The following VPS13C variants were observed in gnomAD, a reference collection of about 807,000 sequenced individuals.
VPS13C encodes the protein vacuolar protein sorting 13 homolog C.
VPS13C carries 358 observed loss-of-function variants against 456.8 expected under a neutral mutation model. The ratio of observed to expected loss-of-function variants is 0.78; its 90% confidence interval spans 0.72 to 0.86. The LOEUF (loss-of-function observed/expected upper bound fraction) is 0.86. Ranked by LOEUF, VPS13C falls within the 40% of genes least tolerant of loss-of-function variation. VPS13C has a pLI of 0.00. For synonymous variants in VPS13C, 1,578 were observed against 1,486.7 expected, an observed-to-expected ratio of 1.06 and a Z score of -1.41; for missense variants, 4,818 against 4,385.4, an observed-to-expected ratio of 1.10 and a Z score of -2.79.
rs867949700 is a variant in VPS13C at position 61,962,804 on chromosome 15, G to A, written c.3380C>T (p.Ala1127Val). 2 of 1,606,606 alleles carry A rather than the reference G, an allele frequency of 1.2e-6. No homozygotes were observed. Among genetic ancestry groups the A allele is most frequent in the East Asian group, 2.2e-5 (1 of 44,622 alleles). The change falls in exon 33 of 85, where the codon GCC becomes GTC. Residue 1127 changes from alanine (A) to valine (V), a missense_variant. By Grantham distance (64) the Ala-to-Val change is moderately conservative. Around this residue, in one of 3 missense-constraint regions of VPS13C, gnomAD observed 4,552 missense variants for 4,130.6 expected, o/e 1.10. Transcript: ENST00000644861. ...SLQSRKQSLF[A>V]RLENIIVTDV... is the part of the protein sequence containing the mutation. Reference sequence around the variant, plus strand: ...TGTGACAATAATATTTTCTAGTCGGGCAAAAAGTGACTGCTTTCTTGACTG... The same window carrying A: ...TGTGACAATAATATTTTCTAGTCGGACAAAAAGTGACTGCTTTCTTGACTG...
At chr15:61,990,092 G>C (rs2046178179) in intron 18 of VPS13C, among the ~76,000 whole-genome samples, 1 of 152,004 alleles carries the variant, frequency 6.6e-6, no homozygotes, top group South Asian at 2.1e-4. Flanking sequence ...TGCAACAACA[G>C]GGATGAATCT....
At position 61,854,592 on chromosome 15, in the gene VPS13C, GA is replaced by G. The variant is rs751740671; in HGVS notation, c.11161-35del. ...TAAAATACTTATTATGAATTTTAAA[GA>G]CAAGTATAGGCTCATTTGGTTGAAG... On this transcript the variant is annotated intron_variant, in intron 84 of 84. Coordinates refer to ENST00000644861, the MANE Select transcript of VPS13C (RefSeq NM_020821.3). The G allele has an allele frequency of 5.6e-6, 9 of 1,598,968 alleles. No homozygotes were observed. The Admixed American group carries it at 1.5e-4, about 27-fold the overall frequency.
chr15:61,864,228 CA>C (rs1381410137), intron 81 of VPS13C: 1 of 689,186 alleles, frequency 1.5e-6, no homozygotes, highest in East Asian at 1.3e-4. Flanking sequence ...TTAATATGAA[CA>C]ATTTCTAAGA....
chr15:62,001,593 T>C (rs2046617979), intron 15 of VPS13C, among the ~76,000 whole-genome samples: 2 of 152,184 alleles, frequency 1.3e-5, no homozygotes, highest in Admixed American at 6.5e-5. Context: ...TATGTATACA[T>C]GTGCCATGCT....
rs1393928755 is a variant in VPS13C at position 62,008,743 on chromosome 15, G to A, written c.1030C>T (p.Leu344Phe). 1.2e-6 allele frequency: 2 copies of A among 1,600,096 alleles called. No homozygotes were observed. The highest frequency in any genetic ancestry group is 1.7e-6 in the Non-Finnish European group (2 of 1,172,668). ...TKPQYLSMID[L>F]LESVDYMVRN... is the part of the protein sequence containing the mutation. ...ACCATATAATCCACTGACTCCAAAA[G>A]GTCAATCATACTTAAGTACTGTTAA... is the stretch of plus-strand genomic sequence containing the variant. The change falls in exon 14 of 85, where the codon CTT becomes TTT. Residue 344 changes from leucine to phenylalanine, a missense_variant. This residue lies in a region of VPS13C where 4,552 missense variants were observed against 4,130.6 expected (regional missense o/e 1.10). Coordinates refer to ENST00000644861, the MANE Select transcript of VPS13C (RefSeq NM_020821.3).
At chr15:61,884,318 T>G in intron 67 of VPS13C, 49 bp from the exon 68 acceptor site, 1 of 1,564,138 alleles carries the variant, frequency 6.4e-7, no homozygotes, top group Non-Finnish European at 8.6e-7. Context: ...TATTTAGGTC[T>G]GTGGAACTTT....
At chr15:61,946,922 A>G (rs1443148860) in intron 43 of VPS13C, among the ~76,000 whole-genome samples, 1 of 152,130 alleles carries the variant, frequency 6.6e-6, no homozygotes, top group Non-Finnish European at 1.5e-5. Flanking sequence ...CCTCCAAAAA[A>G]AATTTGTCAT....
intron 58 of VPS13C, among the ~76,000 whole-genome samples, chr15:61,918,883 T>C (rs541739864): frequency 6.6e-6 from 1 of 152,088 alleles, no homozygotes; most frequent in African/African-American, 2.4e-5. Context: ...TTCAGAGGGA[T>C]AGATCATTCC....
chr15:61,864,198 G>C (rs974932968), intron 81 of VPS13C: 2 of 487,296 alleles, frequency 4.1e-6, no homozygotes, highest in Non-Finnish European at 5.3e-6. Flanking sequence ...ATTTCTTATA[G>C]AAAAGAAAAT....
chr15:61,961,493 T>C (rs2045206183), intron 35 of VPS13C, 96 bp downstream of exon 35: 4 of 1,248,242 alleles, frequency 3.2e-6, no homozygotes, highest in Non-Finnish European at 4.3e-6. Flanking sequence ...GAACAGTTTA[T>C]TTGAATAAAC....
intron 5 of VPS13C, 137 bp from the exon 6 acceptor site, chr15:62,028,557 C>A: frequency 1.3e-6 from 1 of 768,854 alleles, no homozygotes; most frequent in Non-Finnish European, 2.1e-6. Flanking sequence ...TTGGTGACAC[C>A]AAAACTATTT....
At position 61,978,742 on chromosome 15, in the gene VPS13C, C is replaced by T; in HGVS notation, c.2174G>A (p.Ser725Asn). 1 of 1,590,442 alleles carries T rather than the reference C, an allele frequency of 6.3e-7. No individual in the cohort carries two copies. The highest frequency in any genetic ancestry group is 8.5e-7 in the Non-Finnish European group (1 of 1,172,142). Residue 725 changes from serine (S) to asparagine (N), a missense_variant, in exon 23 of 85, where the codon AGT becomes AAT. By Grantham distance (46) the Ser-to-Asn change is conservative. Coordinates refer to ENST00000644861, the MANE Select transcript of VPS13C (RefSeq NM_020821.3). ...ILDFGTFQLN[S>N]KDQGLQKTTN... ...AGTCTTCTGTAAACCTTGATCTTTA[C>T]TGTTGAGCTAAAATGAAGGACAAAT...
In VPS13C at chr15:61,878,611, AT is replaced by A; in HGVS notation, c.10137del (p.Phe3380SerfsTer31). 6.2e-7 allele frequency: 1 copy of A among 1,608,334 alleles called. No homozygotes were observed. Among genetic ancestry groups the A allele is most frequent in the Non-Finnish European group, 8.5e-7 (1 of 1,177,904 alleles). On this transcript the variant is annotated frameshift_variant, in exon 74 of 85. Coordinates refer to ENST00000644861, the MANE Select transcript of VPS13C (RefSeq NM_020821.3). LOFTEE classifies it high-confidence loss of function. Reference sequence around the variant, plus strand: ...GTACTCTAACAGAAGTCTTACTTGAATATAAGGTCATCCACATCAGTCAGAG... The same window carrying A: ...GTACTCTAACAGAAGTCTTACTTGAAATAAGGTCATCCACATCAGTCAGAG... ...GATLTDVDDLIFKLAYYEIRY... is the reference protein window; with the variant it reads ...GATLTDVDDLXFKLAYYEIRY...
intron 6 of VPS13C, among the ~76,000 whole-genome samples, chr15:62,027,063 A>T (rs1181814157): frequency 7.4e-6 from 1 of 134,604 alleles, no homozygotes; most frequent in Non-Finnish European, 1.8e-5. Context: ...GCTTTAGAAT[A>T]AAAAAAAGTA....
rs1894691823 is a variant in VPS13C at position 61,867,735 on chromosome 15, G to A, written c.10863+924C>T. ...ATTTTATACTAATCTCTTATTTCTG[G>A]ACAGTATTACCAGGAATACCACAAG... On this transcript the variant is annotated intron_variant, in intron 81 of 84. Coordinates refer to ENST00000644861, the MANE Select transcript of VPS13C (RefSeq NM_020821.3). The surrounding 1 kb of genome is among the most constrained non-coding windows in gnomAD (Gnocchi z 5.0). 2.1e-6 allele frequency: 3 copies of A among 1,431,648 alleles called. No homozygotes were observed. The allele number at this position is 1,431,648 out of a possible 1,614,324, so 88.7% of individuals were successfully genotyped here.
At chr15:61,861,591 G>C (rs1894229194) in intron 82 of VPS13C, among the ~76,000 whole-genome samples, 1 of 152,206 alleles carries the variant, frequency 6.6e-6, no homozygotes. Flanking sequence ...TATAGTCCAG[G>C]CTACTTAACA....
intron 66 of VPS13C, among the ~76,000 whole-genome samples, chr15:61,897,134 A>C (rs961946358): frequency 3.9e-5 from 6 of 152,198 alleles, no homozygotes; most frequent in Admixed American, 3.3e-4. Flanking sequence ...AAAGTAGATA[A>C]AACCACAAAG....
chr15:61,925,893 G>A (rs1397662957), intron 52 of VPS13C, among the ~76,000 whole-genome samples: 1 of 152,174 alleles, frequency 6.6e-6, no homozygotes, highest in Admixed American at 6.5e-5. Flanking sequence ...ATCTATAAAA[G>A]TGAGCTAAAG....
chr15:61,976,074 C>T (rs2045694429), intron 24 of VPS13C, among the ~76,000 whole-genome samples: 1 of 151,966 alleles, frequency 6.6e-6, no homozygotes, highest in South Asian at 2.1e-4. Context: ...AGAAACGAAG[C>T]TTGTGTTAAG....
Sources: allele counts gnomAD v4.1 joint callset (sites outside exome capture counted in the v4.1 genomes callset), GRCh38; gene constraint gnomAD v4.1.1; regional missense constraint gnomAD v4.1.1; non-coding constraint Gnocchi (gnomAD v3.1); transcripts MANE v1.5; gene names NCBI Gene and HGNC (gene_info 2026-07-23, HGNC 2026-07-21).